SPDYA: variants seen among roughly 807,000 people sequenced by gnomAD.
The protein encoded by SPDYA is speedy/RINGO cell cycle regulator family member A.
Under a neutral mutation model 36.7 loss-of-function variants are expected in SPDYA, and 11 were observed. The ratio of observed to expected loss-of-function variants is 0.30; its 90% CI spans 0.19 to 0.50. SPDYA has a LOEUF of 0.50. Among genes scored for constraint, SPDYA ranks in the 20% least tolerant of loss-of-function variants. SPDYA has a pLI of 0.98. For synonymous variants in SPDYA, 115 were observed against 118.7 expected, an observed-to-expected ratio of 0.97 and a Z score of 0.20; for missense variants, 287 against 370.9, an observed-to-expected ratio of 0.77 and a Z score of 1.86.
intron 4 of SPDYA, among the ~76,000 whole-genome samples, chr2:28,819,893 T>C (rs1285222090): frequency 1.1e-5 from 1 of 90,734 alleles, no homozygotes; most frequent in Non-Finnish European, 2.0e-5. Context: ...TATATATATA[T>C]ATATATATAT....
intron 3 of SPDYA, among the ~76,000 whole-genome samples, chr2:28,816,677 G>A (rs1045371193): frequency 6.6e-6 from 1 of 152,198 alleles, no homozygotes; most frequent in Non-Finnish European, 1.5e-5. Flanking sequence ...TCACACTAGA[G>A]AAGTTTCAGG....
At chr2:28,834,168 G>A (rs532581061) in intron 6 of SPDYA, among the ~76,000 whole-genome samples, 36 of 151,544 alleles carry the variant, frequency 2.4e-4, no homozygotes, top group Admixed American at 8.6e-4. Context: ...TCAAAAGCAC[G>A]ATGAGATATT....
At position 28,829,027 on chromosome 2, in the gene SPDYA, C is replaced by A. The variant is rs907604611; in HGVS notation, c.381-121C>A. ...GTATCTCTATTTTTGAACTGCATTT[C>A]TTTAATTAACGTTGAACACCTTTCA... On this transcript the variant is annotated intron_variant, in intron 5 of 7. Transcript: ENST00000334056. The A allele has an allele frequency of 6.6e-6, 5 of 757,512 alleles. No individual in the cohort carries two copies. The African/African-American group carries it at 7.1e-5, about 11-fold the overall frequency. The allele number at this position is 757,512 out of a possible 1,614,324, so 46.9% of individuals were successfully genotyped here.
chr2:28,846,064 T>C (rs1668867132), intron 7 of SPDYA, among the ~76,000 whole-genome samples: 3 of 152,128 alleles, frequency 2.0e-5, no homozygotes, highest in Admixed American at 1.3e-4. Context: ...ATATACTATG[T>C]ATACCTAAAT....
rs755802776 is a variant in SPDYA at position 28,829,163 on chromosome 2, A to C, written c.396A>C (p.Thr132=). 4.3e-6 allele frequency: 7 copies of C among 1,613,518 alleles called. No homozygotes were observed. In the Admixed American group the frequency reaches 1.2e-4, roughly 27 times the overall value. ...NFFIALYLAN[T]VEEDEEETKY... is the part of the protein sequence containing the mutation. ...TCTTTGTTAGGTATCTGGCTAATAC[A>C]GTTGAAGAAGATGAAGAAGAAACCA... The change falls in exon 6 of 8, where the codon ACA becomes ACC. Residue 132 remains threonine, a synonymous_variant. Transcript: ENST00000334056.
rs531680771 is a variant in SPDYA at position 28,811,662 on chromosome 2, GA to G, written c.-93+725del. On this transcript the variant is annotated intron_variant, in intron 1 of 7. Transcript: ENST00000334056. The surrounding 1 kb of genome is among the most constrained non-coding windows in gnomAD (Gnocchi z 4.2). Reference sequence around the variant, plus strand: ...AACCCCGTCTCTACAAAAAAATAATGAAAAAAAAAATTAACCGGGCATGGTG... The same window carrying G: ...AACCCCGTCTCTACAAAAAAATAATGAAAAAAAAATTAACCGGGCATGGTG... Among the ~76,000 whole-genome samples the G allele has an allele frequency of 1.3e-5, 2 of 149,818 alleles. No homozygotes were observed. The highest frequency in any genetic ancestry group is 3.0e-5 in the Non-Finnish European group (2 of 67,304).
intron 3 of SPDYA, among the ~76,000 whole-genome samples, chr2:28,818,649 T>C (rs1668055002): frequency 6.6e-6 from 1 of 152,208 alleles, no homozygotes; most frequent in Non-Finnish European, 1.5e-5. Context: ...TTTTTCAAAA[T>C]GTTAATTATA....
intron 5 of SPDYA, among the ~76,000 whole-genome samples, chr2:28,824,545 C>CTTTCTTTCTTTTTTT (rs58176047): frequency 0.49 from 59,194 of 120,718 alleles, 15,133 homozygotes; most frequent in African/African-American, 0.62. Flanking sequence ...TTTTTCTTTT[C>CTTTCTTTCTTTTTTT]TTTCTTTCTT....
At chr2:28,832,253 C>A (rs901716513) in intron 6 of SPDYA, among the ~76,000 whole-genome samples, 6 of 152,192 alleles carry the variant, frequency 3.9e-5, no homozygotes, top group Non-Finnish European at 8.8e-5. Flanking sequence ...AATTTGTATT[C>A]CTCAATCTAC....
intron 1 of SPDYA, among the ~76,000 whole-genome samples, chr2:28,812,149 G>A (rs1033105978): frequency 6.6e-6 from 1 of 152,054 alleles, no homozygotes; most frequent in Non-Finnish European, 1.5e-5. Context: ...TTCTTATCTA[G>A]AAAATAAGGA....
At chr2:28,813,698 C>T (rs1667911611) in intron 1 of SPDYA, among the ~76,000 whole-genome samples, 1 of 151,982 alleles carries the variant, frequency 6.6e-6, no homozygotes, top group Admixed American at 6.6e-5. Flanking sequence ...ACTACAGGCG[C>T]CTGCCACCAT....
intron 6 of SPDYA, 98 bp downstream of exon 6, chr2:28,829,417 GTT>G (rs369022955): frequency 4.2e-4 from 357 of 853,680 alleles, no homozygotes; most frequent in Admixed American, 8.9e-4. Flanking sequence ...GGTATTCTGG[GTT>G]TTTTTTTTTT....
intron 5 of SPDYA, among the ~76,000 whole-genome samples, chr2:28,826,267 G>T (rs942461889): frequency 1.3e-5 from 2 of 152,094 alleles, no homozygotes; most frequent in African/African-American, 2.4e-5. Flanking sequence ...CTCCCAAGTA[G>T]CTGGGACTAC....
intron 6 of SPDYA, among the ~76,000 whole-genome samples, chr2:28,839,239 T>A (rs1257056168): frequency 6.6e-6 from 1 of 152,184 alleles, no homozygotes; most frequent in African/African-American, 2.4e-5. Flanking sequence ...AAACCAAGTG[T>A]ACCCGGACTC....
In SPDYA at chr2:28,829,182, G is replaced by A; in HGVS notation, c.415G>A (p.Glu139Lys). The A allele has an allele frequency of 6.2e-7, 1 of 1,613,714 alleles. No homozygotes were observed. The stretch of plus-strand genomic sequence containing the variant: ...TAATACAGTTGAAGAAGATGAAGAA[G>A]AAACCAAGTACGAAATTTTTCCATG... The part of the protein sequence containing the change: ...LANTVEEDEE[E>K]TKYEIFPWAL... The change falls in exon 6 of 8, where the codon GAA becomes AAA. Residue 139 changes from glutamate to lysine, a missense_variant. Transcript: ENST00000334056.
intron 7 of SPDYA, among the ~76,000 whole-genome samples, chr2:28,846,495 G>C (rs919640179): frequency 6.6e-6 from 1 of 152,052 alleles, no homozygotes; most frequent in African/African-American, 2.4e-5. Context: ...AAAAGGTAGG[G>C]CCTCTGGAAG....
chr2:28,849,864 C>A lies in SPDYA; in HGVS notation c.865C>A (p.Gln289Lys). 1 of 1,564,466 alleles carries A rather than the reference C, an allele frequency of 6.4e-7. No individual in the cohort carries two copies. The highest frequency in any genetic ancestry group is 2.0e-5 in the Admixed American group (1 of 50,590). The change falls in exon 8 of 8, where the codon CAA becomes AAA. Residue 289 changes from glutamine to lysine, a missense_variant. Gln to Lys is a moderately conservative substitution (Grantham distance 53). Transcript: ENST00000334056. ...YTGSEVVNDH[Q>K]SNKGKKTNFL... ...TTTTATTTCAGTAGTCAATGACCAT[C>A]AATCAAATAAAGGAAAGAAAACTAA... is the stretch of plus-strand genomic sequence containing the variant.
Position 28,850,160 on chromosome 2 carries a change from T to C in SPDYA, c.*219T>C. The C allele has an allele frequency of 1.9e-6, 3 of 1,574,456 alleles. No homozygotes were observed. Among genetic ancestry groups the C allele is most frequent in the Non-Finnish European group, 1.7e-6 (2 of 1,153,090 alleles). On this transcript the variant is annotated 3_prime_UTR_variant, in exon 8 of 8. Transcript: ENST00000334056. ...TTCAATATAAAGTTCTATTTTGATATTTTTCCATCTTCAAGTCAGTTACTG... is the reference window on the plus strand; with the variant it reads ...TTCAATATAAAGTTCTATTTTGATACTTTTCCATCTTCAAGTCAGTTACTG...
At chr2:28,847,984 C>T (rs2148111633) in intron 7 of SPDYA, among the ~76,000 whole-genome samples, 1 of 152,212 alleles carries the variant, frequency 6.6e-6, no homozygotes, top group South Asian at 2.1e-4. Flanking sequence ...ACCATATAAC[C>T]TAGGTGTGTA....
Sources: gnomAD v4.1 joint callset for allele counts (sites outside exome capture counted in the v4.1 genomes callset) on GRCh38, gnomAD v4.1.1 for gene constraint, Gnocchi (gnomAD v3.1) non-coding constraint, MANE v1.5 for transcripts, NCBI Gene and HGNC (gene_info 2026-07-23, HGNC 2026-07-21) for gene names.